The following ADAMTSL3 variants were observed in gnomAD, a reference collection of about 807,000 sequenced individuals.
The protein encoded by ADAMTSL3 is ADAMTS like 3.
ADAMTSL3 carries 128 observed loss-of-function variants against 201.7 expected under a neutral mutation model. That is an observed-to-expected ratio of 0.63 (90% CI 0.55 to 0.73). The LOEUF (loss-of-function observed/expected upper bound fraction) is 0.73, where lower values mean the gene tolerates loss of function less well. Ranked by LOEUF, ADAMTSL3 falls within the 30% of genes least tolerant of loss-of-function variation. The probability of loss-of-function intolerance (pLI) is 0.00; values close to 1 mark genes in which losing one functional copy is unlikely to be tolerated. For synonymous variants in ADAMTSL3, 738 were observed against 748.4 expected, an observed-to-expected ratio of 0.99 and a Z score of 0.23; for missense variants, 1,990 against 2,119.6, an observed-to-expected ratio of 0.94 and a Z score of 1.20.
chr15:83,711,424 A>G (rs1157961682), intron 3 of ADAMTSL3, among the ~76,000 whole-genome samples: 1 of 152,188 alleles, frequency 6.6e-6, no homozygotes, highest in African/African-American at 2.4e-5. Context: ...TGAGCAACTT[A>G]TATGTTCTCC....
At chr15:83,878,470 C>A (rs1812707) in intron 9 of ADAMTSL3, among the ~76,000 whole-genome samples, 1 of 151,872 alleles carries the variant, frequency 6.6e-6, no homozygotes, top group Non-Finnish European at 1.5e-5. Context: ...AAAAATTAGC[C>A]GGGTGTGGTG....
At chr15:83,985,171 G>C (rs2067451922) in intron 21 of ADAMTSL3, among the ~76,000 whole-genome samples, 1 of 151,436 alleles carries the variant, frequency 6.6e-6, no homozygotes, top group Non-Finnish European at 1.5e-5. Context: ...TCCAAATGTT[G>C]GTGCATTTCA....
chr15:83,972,663 T>C lies in ADAMTSL3; in HGVS notation c.2644+2026T>C, dbSNP rs1340616553. ...GAAAAAACACAAGAAAAAAAGACAG[T>C]AATATTTTTTCTTTACTCCACCCCA... On this transcript the variant is annotated intron_variant, in intron 20 of 29. Coordinates refer to ENST00000286744, the MANE Select transcript of ADAMTSL3 (RefSeq NM_207517.3). Among the ~76,000 whole-genome samples, 3 of 151,926 alleles carry C rather than the reference T, an allele frequency of 2.0e-5. No homozygotes were observed. In the East Asian group the frequency reaches 5.8e-4, roughly 29 times the overall value.
At chr15:83,736,902 T>C (rs1303127661) in intron 3 of ADAMTSL3, among the ~76,000 whole-genome samples, 1 of 152,000 alleles carries the variant, frequency 6.6e-6, no homozygotes, top group Non-Finnish European at 1.5e-5. Flanking sequence ...GATACTTAAG[T>C]ACAAAGAGAA....
intron 4 of ADAMTSL3, among the ~76,000 whole-genome samples, chr15:83,789,468 G>T (rs2063312288): frequency 6.6e-6 from 1 of 152,004 alleles, no homozygotes. Flanking sequence ...TAAGGTTAGA[G>T]GTCTTTCTGA....
chr15:83,659,144 A>G (rs2061131026), intron 2 of ADAMTSL3, among the ~76,000 whole-genome samples: 2 of 152,210 alleles, frequency 1.3e-5, no homozygotes, highest in Admixed American at 1.3e-4. Context: ...TGGATGGAAT[A>G]GCCTTTTCAG....
At chr15:84,008,217 C>A (rs1413399918) in intron 23 of ADAMTSL3, among the ~76,000 whole-genome samples, 1 of 152,160 alleles carries the variant, frequency 6.6e-6, no homozygotes, top group Non-Finnish European at 1.5e-5. Context: ...TCAAGCAATT[C>A]TCCTGCCTCA....
chr15:84,028,556 G>C (rs994519762), intron 27 of ADAMTSL3, among the ~76,000 whole-genome samples: 4 of 152,082 alleles, frequency 2.6e-5, no homozygotes, highest in Non-Finnish European at 5.9e-5. Flanking sequence ...TAGCACACAA[G>C]TCTTCATTTT....
chr15:83,772,462 T>C (rs1020867249), intron 3 of ADAMTSL3, among the ~76,000 whole-genome samples: 1 of 152,336 alleles, frequency 6.6e-6, no homozygotes, highest in South Asian at 2.1e-4. Context: ...TGTAGTATTC[T>C]GAATTAAGTC....
chr15:83,788,819 G>GT (rs1455511108), intron 4 of ADAMTSL3, among the ~76,000 whole-genome samples: 18 of 150,750 alleles, frequency 1.2e-4, no homozygotes, highest in Non-Finnish European at 1.9e-4. Flanking sequence ...TTTTCTTTTT[G>GT]TTTTTTTGAG....
At position 84,021,391 on chromosome 15, in the gene ADAMTSL3, T is replaced by C. The variant is rs2068202746; in HGVS notation, c.4274-19T>C. The C allele has an allele frequency of 1.2e-6, 2 of 1,613,370 alleles. No individual in the cohort carries two copies. Among genetic ancestry groups the C allele is most frequent in the Admixed American group, 3.3e-5 (2 of 59,936 alleles). On this transcript the variant is annotated intron_variant, in intron 25 of 29. Transcript: ENST00000286744. ...TTTCTCTTTTGGGGCTGGCATGATA[T>C]TTTGTTTTCTTTCTGCAGAGCCTTT...
Position 83,899,418 on chromosome 15 carries a change from CAT to C in ADAMTSL3, c.1616-228_1616-227del, listed in dbSNP as rs376670262. Among the ~76,000 whole-genome samples the C allele has an allele frequency of 0.013, 1,199 of 88,960 alleles. 19 individuals are homozygous for C. Among genetic ancestry groups the C allele is most frequent in the African/African-American group, 0.074 (1,143 of 15,452 alleles). 58.4% of individuals were successfully genotyped at this position (88,960 alleles called of 152,430 possible). On this transcript the variant is annotated intron_variant, in intron 14 of 29. Transcript: ENST00000286744. ...ACTTTGACAGCATTTTCAACTGTAT[CAT>C]GTGATCATTTTGGTTGCATTTTAAT... is the stretch of plus-strand genomic sequence containing the variant.
At position 83,872,504 on chromosome 15, in the gene ADAMTSL3, A is replaced by C. The variant is rs1208821076; in HGVS notation, c.960+1545A>C. 4.6e-5 allele frequency among the ~76,000 whole-genome samples: 7 copies of C among 151,606 alleles called. No individual in the cohort carries two copies. The East Asian group carries it at 1.4e-3, about 29-fold the overall frequency. On this transcript the variant is annotated intron_variant, in intron 9 of 29. Transcript: ENST00000286744. The stretch of plus-strand genomic sequence containing the variant: ...AAGCCATAATTACCTTTTTTTTTAA[A>C]GTCTCTCTCTGGTCTATTGTTATGA...
intron 4 of ADAMTSL3, among the ~76,000 whole-genome samples, chr15:83,791,151 T>C (rs568555590): frequency 2.0e-5 from 3 of 148,028 alleles, no homozygotes; most frequent in Non-Finnish European, 4.6e-5. Context: ...ATTAAAATGT[T>C]GATACTACCC....
At chr15:83,891,057 T>G (rs2065490028) in intron 11 of ADAMTSL3, 1 of 353,514 alleles carries the variant, frequency 2.8e-6, no homozygotes, top group African/African-American at 2.1e-5. Context: ...ATAAATTTAT[T>G]GAAATTGCAA....
chr15:84,025,152 G>T, intron 26 of ADAMTSL3, 86 bp from the exon 27 acceptor site: 3 of 1,159,262 alleles, frequency 2.6e-6, no homozygotes, highest in Non-Finnish European at 2.4e-6. Context: ...CCATGGTGTT[G>T]GGATCAGCTT....
intron 15 of ADAMTSL3, among the ~76,000 whole-genome samples, chr15:83,900,046 A>G (rs879232335): frequency 1.3e-5 from 2 of 152,230 alleles, no homozygotes; most frequent in Admixed American, 1.3e-4. Context: ...GAACCATCAT[A>G]GTATCATACA....
chr15:83,887,120 T>A (rs1251926064), intron 10 of ADAMTSL3, among the ~76,000 whole-genome samples: 4 of 152,062 alleles, frequency 2.6e-5, no homozygotes, highest in Admixed American at 6.6e-5. Flanking sequence ...ACCACAGACC[T>A]ACTGAGTCAG....
chr15:83,873,940 C>A (rs2065129836), intron 9 of ADAMTSL3, among the ~76,000 whole-genome samples: 1 of 145,088 alleles, frequency 6.9e-6, no homozygotes, highest in African/African-American at 2.6e-5. Flanking sequence ...TTTTGACAGC[C>A]ACCCTTAGTG....
Sources: allele counts gnomAD v4.1 joint callset (sites outside exome capture counted in the v4.1 genomes callset), GRCh38; gene constraint gnomAD v4.1.1; transcripts MANE v1.5; gene names NCBI Gene and HGNC (gene_info 2026-07-23, HGNC 2026-07-21).